RAB31: variants seen among roughly 807,000 people sequenced by gnomAD.
The protein encoded by RAB31 is RAB31, member RAS oncogene family.
In RAB31, 21 loss-of-function variants were observed where a neutral mutation model predicts 25.6. The ratio of observed to expected loss-of-function variants is 0.82; its 90% CI spans 0.58 to 1.18. The LOEUF is 1.18. Among genes scored for constraint, RAB31 ranks in the 50% most tolerant of loss-of-function variants. The pLI, the probability that RAB31 is intolerant of heterozygous loss-of-function variation, is 0.00. For synonymous variants in RAB31, 87 were observed against 84.0 expected, an observed-to-expected ratio of 1.04 and a Z score of -0.20; for missense variants, 196 against 250.1, an observed-to-expected ratio of 0.78 and a Z score of 1.46.
chr18:9,809,492 G>A (rs1290869168), intron 3 of RAB31, among the ~76,000 whole-genome samples: 2 of 150,976 alleles, frequency 1.3e-5, no homozygotes, highest in African/African-American at 2.5e-5. Flanking sequence ...AAACCTCCAG[G>A]GAAGCATGTG....
At chr18:9,802,115 T>G (rs575992930) in intron 3 of RAB31, among the ~76,000 whole-genome samples, 1 of 152,372 alleles carries the variant, frequency 6.6e-6, no homozygotes, top group South Asian at 2.1e-4. Context: ...AAATGTGAGT[T>G]CTCCAACTTC....
At chr18:9,740,366 C>G (rs1218569888) in intron 1 of RAB31, among the ~76,000 whole-genome samples, 2 of 152,186 alleles carry the variant, frequency 1.3e-5, no homozygotes, top group African/African-American at 4.8e-5. Flanking sequence ...ATTATTGCAT[C>G]AGGATGACAC....
At chr18:9,822,818 G>A (rs1325032032) in intron 5 of RAB31, among the ~76,000 whole-genome samples, 1 of 152,194 alleles carries the variant, frequency 6.6e-6, no homozygotes, top group African/African-American at 2.4e-5. Context: ...CGGTGTGAAT[G>A]CAAAATGGCA....
intron 5 of RAB31, among the ~76,000 whole-genome samples, chr18:9,822,974 C>T (rs1203163878): frequency 6.6e-6 from 1 of 152,122 alleles, no homozygotes; most frequent in Non-Finnish European, 1.5e-5. Flanking sequence ...TATTCATAGA[C>T]ACGTTATTTG....
At position 9,824,935 on chromosome 18, in the gene RAB31, G is replaced by A. The variant is rs561990862; in HGVS notation, c.380+9713G>A. Reference sequence around the variant, plus strand: ...GAAGACTGTCCTGGACTTGCACAGAGTAGGTGCTCAGGGGTGTAACCCCCC... The same window carrying A: ...GAAGACTGTCCTGGACTTGCACAGAATAGGTGCTCAGGGGTGTAACCCCCC... On this transcript the variant is annotated intron_variant, in intron 5 of 6. Transcript: ENST00000578921. Among the ~76,000 whole-genome samples, 239 of 152,326 alleles carry A rather than the reference G, an allele frequency of 1.6e-3. 1 individual carries two copies. Among genetic ancestry groups the A allele is most frequent in the Non-Finnish European group, 3.1e-3 (210 of 68,044 alleles).
In RAB31 at chr18:9,861,981, T is replaced by C. The variant is rs917300604; in HGVS notation, c.*2656T>C. ...CATTTTATGGTTAAAAACGGCACAT[T>C]AGGCAGTTGAATATGACGTTACCTT... On this transcript the variant is annotated 3_prime_UTR_variant, in exon 7 of 7. Transcript: ENST00000578921. 6.6e-6 allele frequency: 1 copy of C among 152,644 alleles called. No individual in the cohort carries two copies. The highest frequency in any genetic ancestry group is 2.4e-5 in the African/African-American group (1 of 41,450). 9.5% of individuals were successfully genotyped at this position (152,644 alleles called of 1,614,324 possible).
chr18:9,798,452 A>G (rs995472180), intron 3 of RAB31, among the ~76,000 whole-genome samples: 4 of 152,048 alleles, frequency 2.6e-5, no homozygotes, highest in South Asian at 2.1e-4. Flanking sequence ...GCCTATTGCT[A>G]TTTGTTCTGT....
At chr18:9,848,491 T>C (rs1442712149) in intron 6 of RAB31, among the ~76,000 whole-genome samples, 1 of 152,248 alleles carries the variant, frequency 6.6e-6, no homozygotes, top group Non-Finnish European at 1.5e-5. Context: ...TTCTCCTTCA[T>C]GTGAATTTCT....
intron 3 of RAB31, among the ~76,000 whole-genome samples, chr18:9,800,959 A>G (rs2068511284): frequency 6.6e-6 from 1 of 152,194 alleles, no homozygotes; most frequent in African/African-American, 2.4e-5. Context: ...ATGAATTAGC[A>G]GTCACTCCCA....
intron 3 of RAB31, among the ~76,000 whole-genome samples, chr18:9,801,135 G>A (rs1190528868): frequency 6.6e-6 from 1 of 152,124 alleles, no homozygotes; most frequent in Non-Finnish European, 1.5e-5. Flanking sequence ...GGTCATAAAA[G>A]TATTTCCTTT....
chr18:9,847,355 CCCT>C lies in RAB31; in HGVS notation c.490+1674_490+1676del, dbSNP rs1450452816. ...ACAGCCCCGCGTCTTCCGCAGAGCC[CCCT>C]CCTCCTCCTTAGCTCCCTGGCCTTG... On this transcript the variant is annotated intron_variant, in intron 6 of 6. Transcript: ENST00000578921. 3.3e-5 allele frequency among the ~76,000 whole-genome samples: 5 copies of C among 152,160 alleles called. No homozygotes were observed. The East Asian group carries it at 5.8e-4, about 18-fold the overall frequency.
intron 3 of RAB31, among the ~76,000 whole-genome samples, chr18:9,812,809 T>C (rs559620502): frequency 2.0e-5 from 3 of 150,478 alleles, no homozygotes; most frequent in East Asian, 4.0e-4. Flanking sequence ...GCATTTCTCC[T>C]GCCTCAGCCT....
At position 9,743,739 on chromosome 18, in the gene RAB31, C is replaced by T. The variant is rs888288887; in HGVS notation, c.40-31539C>T. On this transcript the variant is annotated intron_variant, in intron 1 of 6. Transcript: ENST00000578921. ...ACAGGGAGACCTTGGCTGAAGCCAC[C>T]GCAGCACCATGTTTCGCCATCTTGC... Among the ~76,000 whole-genome samples the T allele has an allele frequency of 2.0e-5, 3 of 152,216 alleles. 1 individual carries two copies. The highest frequency in any genetic ancestry group is 7.2e-5 in the African/African-American group (3 of 41,466).
At chr18:9,771,654 G>C (rs1161811878) in intron 1 of RAB31, among the ~76,000 whole-genome samples, 1 of 152,210 alleles carries the variant, frequency 6.6e-6, no homozygotes, top group Non-Finnish European at 1.5e-5. Context: ...AGCAAACCGC[G>C]GGTAGGGTGT....
intron 1 of RAB31, among the ~76,000 whole-genome samples, chr18:9,719,047 C>T (rs900421347): frequency 6.6e-6 from 1 of 151,506 alleles, no homozygotes; most frequent in African/African-American, 2.4e-5. Context: ...AGGATGGTGG[C>T]TCACTTGAGG....
intron 1 of RAB31, among the ~76,000 whole-genome samples, chr18:9,725,264 G>A (rs1357125727): frequency 6.6e-6 from 1 of 152,190 alleles, no homozygotes; most frequent in Non-Finnish European, 1.5e-5. Flanking sequence ...CAGCCCAGAA[G>A]CAAAGAGAGG....
rs1198518496 is a variant in RAB31, at chr18:9,857,679, AGATAGAT to A, written c.491-1541_491-1535del. 5.8e-3 allele frequency among the ~76,000 whole-genome samples: 717 copies of A among 123,922 alleles called. 5 individuals are homozygous for A. Among genetic ancestry groups the A allele is most frequent in the Non-Finnish European group, 8.7e-3 (466 of 53,582 alleles). The allele number at this position is 123,922 out of a possible 152,430, so 81.3% of individuals were successfully genotyped here. On this transcript the variant is annotated intron_variant, in intron 6 of 6. Coordinates refer to ENST00000578921, the MANE Select transcript of RAB31 (RefSeq NM_006868.4). Reference sequence around the variant, plus strand: ...TAGATAGATAGATAGATAGATAGATAGATAGATGATAGATAGATAGATAGATAGATAG... The same window carrying A: ...TAGATAGATAGATAGATAGATAGATAGATAGATAGATAGATAGATAGATAG...
chr18:9,803,048 C>T (rs941240987), intron 3 of RAB31, among the ~76,000 whole-genome samples: 2 of 152,152 alleles, frequency 1.3e-5, no homozygotes, highest in Non-Finnish European at 2.9e-5. Flanking sequence ...GAAATACAGT[C>T]CCAGCTGGCA....
chr18:9,814,851 A>G, intron 4 of RAB31: 1 of 285,840 alleles, frequency 3.5e-6, no homozygotes, highest in Non-Finnish European at 6.7e-6. Context: ...CTATCATTTT[A>G]AATTAATGTT....
Sources: allele counts gnomAD v4.1 joint callset (sites outside exome capture counted in the v4.1 genomes callset), GRCh38; gene constraint gnomAD v4.1.1; transcripts MANE v1.5; gene names NCBI Gene and HGNC (gene_info 2026-07-23, HGNC 2026-07-21).